Variants in GPM6A observed in about 807,000 individuals in gnomAD.
GPM6A encodes glycoprotein M6A.
GPM6A carries 7 observed loss-of-function variants against 32.1 expected under a neutral mutation model. That is an observed-to-expected ratio of 0.22 (90% CI 0.12 to 0.41). The LOEUF is 0.41. Ranked by LOEUF, GPM6A falls within the 10% of genes least tolerant of loss-of-function variation. GPM6A has a pLI of 1.00. For missense variants in GPM6A, 235 were observed against 347.2 expected (o/e 0.68, Z 2.57); for synonymous variants, 130 against 123.4 (o/e 1.05, Z -0.35).
chr4:175,870,568 T>G (rs1379854471), intron 1 of GPM6A, among the ~76,000 whole-genome samples: 1 of 152,230 alleles, frequency 6.6e-6, no homozygotes, highest in East Asian at 1.9e-4. Context: ...CTCATGGCTC[T>G]CCTTATGGAC....
At chr4:175,821,873 T>C (rs1343534689) in intron 1 of GPM6A, among the ~76,000 whole-genome samples, 1 of 152,102 alleles carries the variant, frequency 6.6e-6, no homozygotes, top group Non-Finnish European at 1.5e-5. Flanking sequence ...TTCACATATT[T>C]GAATTAAAAC....
intron 1 of GPM6A, among the ~76,000 whole-genome samples, chr4:175,727,575 C>G (rs976911328): frequency 6.6e-6 from 1 of 152,178 alleles, no homozygotes; most frequent in Non-Finnish European, 1.5e-5. Flanking sequence ...AAATGCTATA[C>G]TAATGTGGTC....
chr4:175,801,438 C>T (rs540186167), intron 1 of GPM6A, among the ~76,000 whole-genome samples: 48 of 151,976 alleles, frequency 3.2e-4, no homozygotes, highest in Admixed American at 6.5e-4. Context: ...GTGGTTCAAA[C>T]TAATATATCT....
chr4:175,907,792 C>A (rs1738178270), intron 1 of GPM6A, among the ~76,000 whole-genome samples: 1 of 152,116 alleles, frequency 6.6e-6, no homozygotes, highest in East Asian at 1.9e-4. Flanking sequence ...CTTCATCAAA[C>A]CTAGCATAAA....
intron 1 of GPM6A, among the ~76,000 whole-genome samples, chr4:175,759,336 A>G (rs1732651878): frequency 6.6e-6 from 1 of 152,192 alleles, no homozygotes; most frequent in South Asian, 2.1e-4. Context: ...AATTATACGT[A>G]GATAATTCTT....
chr4:175,839,957 C>G (rs936708516), intron 1 of GPM6A, among the ~76,000 whole-genome samples: 2 of 152,144 alleles, frequency 1.3e-5, no homozygotes, highest in African/African-American at 2.4e-5. Context: ...ATTCCTGAAG[C>G]GAGAGAGACC....
intron 1 of GPM6A, among the ~76,000 whole-genome samples, chr4:175,791,950 C>G (rs1175360041): frequency 6.6e-6 from 1 of 152,024 alleles, no homozygotes; most frequent in Admixed American, 6.6e-5. Flanking sequence ...GATACCACAA[C>G]CTGTGGTCAT....
chr4:176,002,212 G>T, intron 1 of GPM6A: 2 of 1,275,972 alleles, frequency 1.6e-6, no homozygotes, highest in Non-Finnish European at 2.2e-6. Context: ...TGGGAAGGAC[G>T]CAGTCTGAGG....
chr4:175,691,258 C>T (rs372401422), intron 2 of GPM6A, among the ~76,000 whole-genome samples: 3 of 150,004 alleles, frequency 2.0e-5, no homozygotes, highest in Non-Finnish European at 3.0e-5. Flanking sequence ...AGAGAAATAG[C>T]GAAGAAGTTT....
intron 1 of GPM6A, among the ~76,000 whole-genome samples, chr4:175,823,828 C>A (rs1735350370): frequency 6.6e-6 from 1 of 152,218 alleles, no homozygotes; most frequent in South Asian, 2.1e-4. Context: ...AAAACTCAGA[C>A]TGACAACTTT....
chr4:175,873,359 T>C (rs1736973871), intron 1 of GPM6A, among the ~76,000 whole-genome samples: 1 of 152,132 alleles, frequency 6.6e-6, no homozygotes, highest in Admixed American at 6.6e-5. Context: ...TTAAATATTA[T>C]TTAAATTATA....
intron 1 of GPM6A, among the ~76,000 whole-genome samples, chr4:175,875,023 A>G (rs976485893): frequency 6.6e-6 from 1 of 152,170 alleles, no homozygotes; most frequent in African/African-American, 2.4e-5. Context: ...TCCAATTACA[A>G]AAGCTGTAGA....
At chr4:175,709,776 T>A (rs915813149) in intron 1 of GPM6A, among the ~76,000 whole-genome samples, 1 of 152,016 alleles carries the variant, frequency 6.6e-6, no homozygotes, top group Non-Finnish European at 1.5e-5. Flanking sequence ...TCACATTTTA[T>A]TTTTCAATAA....
chr4:175,666,962 T>G (rs553814429), intron 3 of GPM6A, among the ~76,000 whole-genome samples: 6 of 152,318 alleles, frequency 3.9e-5, no homozygotes, highest in African/African-American at 1.4e-4. Context: ...AAGTAGAAAT[T>G]AGAAATTCAT....
intron 1 of GPM6A, among the ~76,000 whole-genome samples, chr4:175,789,293 G>T (rs935976772): frequency 6.6e-6 from 1 of 151,990 alleles, no homozygotes; most frequent in African/African-American, 2.4e-5. Flanking sequence ...TCCATATTCA[G>T]CTTCTTGATT....
intron 2 of GPM6A, among the ~76,000 whole-genome samples, chr4:175,682,726 T>G (rs996179054): frequency 2.0e-5 from 3 of 152,158 alleles, no homozygotes; most frequent in Non-Finnish European, 2.9e-5. Flanking sequence ...GTGCAAGCCA[T>G]AAGCCCTGTC....
At chr4:175,985,946 C>T (rs1007039013) in intron 1 of GPM6A, among the ~76,000 whole-genome samples, 1 of 151,960 alleles carries the variant, frequency 6.6e-6, no homozygotes, top group Non-Finnish European at 1.5e-5. Flanking sequence ...GCTGGGATTA[C>T]AGGCACGTGC....
At chr4:175,871,291 G>A (rs1360175822) in intron 1 of GPM6A, among the ~76,000 whole-genome samples, 2 of 151,888 alleles carry the variant, frequency 1.3e-5, no homozygotes, top group South Asian at 2.1e-4. Flanking sequence ...CCAACATGGC[G>A]AAACCCCATC....
chr4:175,788,789 T>C (rs112549792), intron 1 of GPM6A, among the ~76,000 whole-genome samples: 3 of 152,304 alleles, frequency 2.0e-5, no homozygotes, highest in African/African-American at 7.2e-5. Context: ...TTAATAGTTC[T>C]TAATGAACAA....
Sources: gnomAD v4.1 joint callset for allele counts (sites outside exome capture counted in the v4.1 genomes callset) on GRCh38, gnomAD v4.1.1 for gene constraint, MANE v1.5 for transcripts, NCBI Gene and HGNC (gene_info 2026-07-23, HGNC 2026-07-21) for gene names.